DIDO1: variants seen among roughly 807,000 people sequenced by gnomAD.
DIDO1 encodes death inducer-obliterator 1, also known as death-inducer obliterator 1.
Under a neutral mutation model 99.4 loss-of-function variants are expected in DIDO1, and 16 were observed. That is an observed-to-expected ratio of 0.16 (90% CI 0.11 to 0.24). The LOEUF (loss-of-function observed/expected upper bound fraction) is 0.24. DIDO1 is among the 10% of genes least tolerant of loss of function. The pLI is 1.00. For missense variants in DIDO1, 2,996 were observed against 3,014.0 expected, an observed-to-expected ratio of 0.99 and a Z score of 0.14; for synonymous variants, 1,366 against 1,239.1, an observed-to-expected ratio of 1.10 and a Z score of -2.15.
rs2064478667 is a variant in DIDO1, at chr20:62,894,736, A to T, written c.2436+74T>A. 2 of 1,511,312 alleles carry T rather than the reference A, an allele frequency of 1.3e-6. No homozygotes were observed. The highest frequency in any genetic ancestry group is 1.9e-5 in the Admixed American group (1 of 51,836). 93.6% of individuals were successfully genotyped at this position (1,511,312 alleles called of 1,614,324 possible). On this transcript the variant is annotated intron_variant, in intron 10 of 15. Coordinates refer to ENST00000395343, the MANE Select transcript of DIDO1 (RefSeq NM_001193369.2). This position sits in a 1 kb window ranked among gnomAD's most constrained non-coding sequence, Gnocchi z 4.4. ...CTGTAAGCTCAGGTCCTGCCCAATA[A>T]TTTAAGATAACCTCAAAACATTTGG...
In DIDO1 at chr20:62,880,230, G is replaced by A. The variant is rs2147342322; in HGVS notation, c.5726C>T (p.Pro1909Leu). The A allele has an allele frequency of 1.9e-6, 3 of 1,612,492 alleles. No homozygotes were observed. The highest frequency in any genetic ancestry group is 1.3e-5 in the African/African-American group (1 of 75,046). ...QLKGPRGGPP[P>L]SQFGGQRGPP... ...TCCTCTCTGACCTCCAAACTGAGAG[G>A]GAGGGGGGCCGCCTCGGGGGCCTTT... Residue 1909 changes from proline (P) to leucine (L), a missense_variant, in exon 16 of 16, where the codon CCC becomes CTC. By Grantham distance (98) the Pro-to-Leu change is moderately conservative. Coordinates refer to ENST00000395343, the MANE Select transcript of DIDO1 (RefSeq NM_001193369.2).
chr20:62,896,165 T>C lies in DIDO1; in HGVS notation c.2214+68A>G. 1 of 1,443,120 alleles carries C rather than the reference T, an allele frequency of 6.9e-7. No homozygotes were observed. The highest frequency in any genetic ancestry group is 9.4e-7 in the Non-Finnish European group (1 of 1,059,984). 89.4% of individuals were successfully genotyped at this position (1,443,120 alleles called of 1,614,324 possible). A position where few individuals can be genotyped will look rare whatever the true frequency, so the allele number is the denominator to read the frequency against. On this transcript the variant is annotated intron_variant, in intron 8 of 15. Transcript: ENST00000395343. The surrounding 1 kb of genome is among the most constrained non-coding windows in gnomAD (Gnocchi z 4.4). Reference sequence around the variant, plus strand: ...AAAGGACACGAACATCTCAAAATATTGGTTGATCCCTTTAGCACCCAGCGA... The same window carrying C: ...AAAGGACACGAACATCTCAAAATATCGGTTGATCCCTTTAGCACCCAGCGA...
chr20:62,911,224 G>A lies in DIDO1; in HGVS notation c.389C>T (p.Thr130Ile), dbSNP rs1241950472. Reference protein sequence around the residue: ...ETRSGPQSASTAVKERPASSE... With the variant: ...ETRSGPQSASIAVKERPASSE... ...AGAGGCTGGTCGTTCCTTCACAGCTGTGGAAGCAGACTGGGGGCCGCTTCT... is the reference window on the plus strand; with the variant it reads ...AGAGGCTGGTCGTTCCTTCACAGCTATGGAAGCAGACTGGGGGCCGCTTCT... Residue 130 changes from threonine to isoleucine, a missense_variant, in exon 3 of 16, where the codon ACA (threonine) becomes ATA (isoleucine). Transcript: ENST00000395343. This position sits in a 1 kb window ranked among gnomAD's most constrained non-coding sequence, Gnocchi z 7.0. 3.7e-6 allele frequency: 6 copies of A among 1,613,488 alleles called. No homozygotes were observed. In the African/African-American group the frequency reaches 6.7e-5, roughly 18 times the overall value.
At position 62,892,920 on chromosome 20, in the gene DIDO1, G is replaced by C. The variant is rs2064429974; in HGVS notation, c.3144C>G (p.Leu1048=). Residue 1048 remains leucine (L), a synonymous_variant, in exon 13 of 16, where the codon CTC becomes CTG. Transcript: ENST00000395343. ...AAATGGTGCTGAGTCGAGACAAAAA[G>C]AGGGTCGTGTCTCCCTCTGGAGGGG... The part of the protein sequence containing the change: ...SRSPPEGDTT[L]FLSRLSTIWK... 1 of 1,614,048 alleles carries C rather than the reference G, an allele frequency of 6.2e-7. No homozygotes were observed. Among genetic ancestry groups the C allele is most frequent in the Non-Finnish European group, 8.5e-7 (1 of 1,179,924 alleles).
Position 62,880,752 on chromosome 20 carries a change from G to T in DIDO1, c.5204C>A (p.Pro1735Gln), listed in dbSNP as rs1458188406. 2 of 1,612,704 alleles carry T rather than the reference G, an allele frequency of 1.2e-6. No homozygotes were observed. The highest frequency in any genetic ancestry group is 2.2e-5 in the South Asian group (2 of 91,086). The change falls in exon 16 of 16, where the codon CCG becomes CAG. Residue 1735 changes from proline to glutamine, a missense_variant. Coordinates refer to ENST00000395343, the MANE Select transcript of DIDO1 (RefSeq NM_001193369.2). ...CACTTTCTGTCCTGGTGGGGGGAGC[G>T]GGGCGGTGCCCTCGCCGGGTCTGGC... is the stretch of plus-strand genomic sequence containing the variant. ...PQARPGEGTA[P>Q]LPPPGQKVGG...
chr20:62,879,908 C>T lies in DIDO1; in HGVS notation c.6048G>A (p.Pro2016=), dbSNP rs777285824. The T allele has an allele frequency of 1.9e-6, 3 of 1,589,296 alleles. No individual in the cohort carries two copies. Among genetic ancestry groups the T allele is most frequent in the Admixed American group, 1.8e-5 (1 of 55,496 alleles). The change falls in exon 16 of 16, where the codon CCG becomes CCA. Residue 2016 remains proline, a synonymous_variant. Coordinates refer to ENST00000395343, the MANE Select transcript of DIDO1 (RefSeq NM_001193369.2). The surrounding 1 kb of genome is among the most constrained non-coding windows in gnomAD (Gnocchi z 6.3). ...GCCTGGGGCCCGGCTTCATCACCTGCGGGGCCTGGCCCTGGAAGTGAAATC... is the reference window on the plus strand; with the variant it reads ...GCCTGGGGCCCGGCTTCATCACCTGTGGGGCCTGGCCCTGGAAGTGAAATC... The part of the protein sequence containing the change: ...PSRFHFQGQA[P]QVMKPGPRPL...
At chr20:62,923,699 ATTAC>A (rs1468410020) in intron 1 of DIDO1, among the ~76,000 whole-genome samples, 1 of 152,210 alleles carries the variant, frequency 6.6e-6, no homozygotes, top group Non-Finnish European at 1.5e-5. Context: ...CTGTATGTGT[ATTAC>A]TTTTGTAATC....
rs756232019 is a variant in DIDO1, at chr20:62,882,171, G to A, written c.3785C>T (p.Pro1262Leu). The A allele has an allele frequency of 3.7e-6, 6 of 1,613,176 alleles. No individual in the cohort carries two copies. The South Asian group carries it at 4.4e-5, about 12-fold the overall frequency. Residue 1262 changes from proline to leucine, a missense_variant, in exon 16 of 16, where the codon CCG becomes CTG. By Grantham distance (98) the Pro-to-Leu change is moderately conservative. Around this residue, in one of 5 missense-constraint regions of DIDO1, gnomAD observed 1,562 missense variants for 1,412.6 expected, o/e 1.11. Coordinates refer to ENST00000395343, the MANE Select transcript of DIDO1 (RefSeq NM_001193369.2). ...AVSTTPPGSP[P>L]PPPPLPEPPV... is the part of the protein sequence containing the mutation. ...TGGTTCTGGAAGAGGGGGCGGAGGC[G>A]GCGGCGACCCAGGAGGTGTGGTGCT...
intron 1 of DIDO1, 86 bp from the exon 2 acceptor site, chr20:62,914,492 T>G (rs2065003540): frequency 6.6e-6 from 1 of 152,164 alleles, no homozygotes; most frequent in African/African-American, 2.4e-5. Context: ...ACTTCTCAAG[T>G]AACCTATTAT....
At chr20:62,891,759 A>T (rs1448994627) in intron 14 of DIDO1, among the ~76,000 whole-genome samples, 2 of 124,654 alleles carry the variant, frequency 1.6e-5, no homozygotes, top group Non-Finnish European at 3.3e-5. Context: ...ACAACTATGT[A>T]AACTTTTTTT....
At chr20:62,916,296 A>G (rs1020924028) in intron 1 of DIDO1, among the ~76,000 whole-genome samples, 9 of 152,168 alleles carry the variant, frequency 5.9e-5, no homozygotes, top group Admixed American at 3.3e-4. Flanking sequence ...ACCAAATTTA[A>G]TATTTCCACA....
Position 62,937,750 on chromosome 20 carries a change from C to T in DIDO1, c.-200+46G>A, listed in dbSNP as rs992342968. The T allele has an allele frequency of 1.8e-4, 71 of 398,034 alleles. No individual in the cohort carries two copies. The East Asian group carries it at 2.4e-3, about 14-fold the overall frequency. 24.7% of individuals were successfully genotyped at this position (398,034 alleles called of 1,614,324 possible). ...CGGACACCCGGCGCCTTTCCCCCGC[C>T]CCACCCCGTGCGGCCTCACGCAAAC... On this transcript the variant is annotated intron_variant, in intron 1 of 15. Coordinates refer to the DIDO1 transcript ENST00000266070.
chr20:62,880,901 G>A lies in DIDO1; in HGVS notation c.5055C>T (p.Cys1685=). The A allele has an allele frequency of 6.2e-7, 1 of 1,611,448 alleles. No individual in the cohort carries two copies. The highest frequency in any genetic ancestry group is 1.6e-4 in the Middle Eastern group (1 of 6,062). The change falls in exon 16 of 16, where the codon TGC becomes TGT. Residue 1685 remains cysteine, a synonymous_variant. Coordinates refer to ENST00000395343, the MANE Select transcript of DIDO1 (RefSeq NM_001193369.2). ...QHDGERDPFT[C]PGFASQDKAL... is the part of the protein sequence containing the mutation. Reference sequence around the variant, plus strand: ...CCTTGTCCTGCGACGCGAACCCCGGGCAGGTGAAAGGGTCCCTCTCACCGT... The same window carrying A: ...CCTTGTCCTGCGACGCGAACCCCGGACAGGTGAAAGGGTCCCTCTCACCGT...
intron 6 of DIDO1, among the ~76,000 whole-genome samples, chr20:62,902,452 C>A (rs1439611926): frequency 6.6e-6 from 1 of 152,162 alleles, no homozygotes; most frequent in African/African-American, 2.4e-5. Flanking sequence ...TTGCCGCTGA[C>A]AACTCTGGAG....
chr20:62,919,950 T>G (rs1235859325), intron 1 of DIDO1, among the ~76,000 whole-genome samples: 1 of 152,252 alleles, frequency 6.6e-6, no homozygotes. Flanking sequence ...TGTTCTCTAT[T>G]TAATGGCTGG....
chr20:62,911,749 T>C lies in DIDO1; in HGVS notation c.-2-135A>G, dbSNP rs1254419595. ...ACATAAAGCAAGTCCTTCTGACCAGTGTTTCCTAATGTGTGCTATGTGAGA... is the reference window on the plus strand; with the variant it reads ...ACATAAAGCAAGTCCTTCTGACCAGCGTTTCCTAATGTGTGCTATGTGAGA... On this transcript the variant is annotated intron_variant, in intron 2 of 15. Transcript: ENST00000395343. The surrounding 1 kb of genome is among the most constrained non-coding windows in gnomAD (Gnocchi z 7.0). 1.6e-5 allele frequency: 11 copies of C among 675,722 alleles called. No homozygotes were observed. Among genetic ancestry groups the C allele is most frequent in the African/African-American group, 3.6e-5 (2 of 54,872 alleles). 41.9% of individuals were successfully genotyped at this position (675,722 alleles called of 1,614,324 possible).
intron 15 of DIDO1, chr20:62,889,342 T>G: frequency 1.0e-6 from 1 of 981,496 alleles, no homozygotes; most frequent in South Asian, 4.7e-5. Context: ...GTGCCCGGCA[T>G]GCGCCGGGGC....
chr20:62,894,094 T>A lies in DIDO1; in HGVS notation c.2673A>T (p.Ala891=). The part of the protein sequence containing the change: ...EDLKSKHDSS[A]PDPAPDSADE... ...CAGCTGAATCCGGAGCTGGGTCAGG[T>A]GCAGAGCTGTCATGCTTTGATTTTA... Residue 891 remains alanine (A), a synonymous_variant, in exon 12 of 16, where the codon GCA becomes GCT. Coordinates refer to ENST00000395343, the MANE Select transcript of DIDO1 (RefSeq NM_001193369.2). The surrounding 1 kb of genome is among the most constrained non-coding windows in gnomAD (Gnocchi z 4.4). 1 of 1,614,256 alleles carries A rather than the reference T, an allele frequency of 6.2e-7. No individual in the cohort carries two copies. Among genetic ancestry groups the A allele is most frequent in the Non-Finnish European group, 8.5e-7 (1 of 1,180,048 alleles).
At chr20:62,921,453 T>C (rs2065134599) in intron 1 of DIDO1, among the ~76,000 whole-genome samples, 1 of 152,136 alleles carries the variant, frequency 6.6e-6, no homozygotes, top group African/African-American at 2.4e-5. Flanking sequence ...GGTACTGCTT[T>C]AGCATTCACT....
Sources: gnomAD v4.1 joint callset for allele counts (sites outside exome capture counted in the v4.1 genomes callset) on GRCh38, gnomAD v4.1.1 for gene constraint, gnomAD v4.1.1 regional missense constraint, Gnocchi (gnomAD v3.1) non-coding constraint, MANE v1.5 for transcripts, NCBI Gene and HGNC (gene_info 2026-07-23, HGNC 2026-07-21) for gene names.